ROR2: variants seen among roughly 807,000 people sequenced by gnomAD.
ROR2 encodes the protein tyrosine-protein kinase transmembrane receptor ROR2.
ROR2 carries 33 observed loss-of-function variants against 74.9 expected under a neutral mutation model. The ratio of observed to expected loss-of-function variants is 0.44; its 90% CI spans 0.33 to 0.59. The LOEUF (loss-of-function observed/expected upper bound fraction) is 0.59, where lower values mean the gene tolerates loss of function less well. ROR2 is among the 20% of genes least tolerant of loss of function. The pLI is 0.02. For missense variants in ROR2, 1,216 were observed against 1,313.8 expected, an observed-to-expected ratio of 0.93 and a Z score of 1.15; for synonymous variants, 586 against 558.7, an observed-to-expected ratio of 1.05 and a Z score of -0.69.
rs1307502554 is a variant in ROR2 at position 91,905,645 on chromosome 9, T to C, written c.97+44222A>G. Among the ~76,000 whole-genome samples, 2 of 147,838 alleles carry C rather than the reference T, an allele frequency of 1.4e-5. No homozygotes were observed. The highest frequency in any genetic ancestry group is 3.0e-5 in the Non-Finnish European group (2 of 67,096). On this transcript the variant is annotated intron_variant, in intron 1 of 8. Coordinates refer to ENST00000375708, the MANE Select transcript of ROR2 (RefSeq NM_004560.4). The surrounding 1 kb of genome is among the most constrained non-coding windows in gnomAD (Gnocchi z 5.3). ...TGCCCCCAACACACATAAACACACA[T>C]AACACACACGTACACCACACATACA...
rs1230990508 is a variant in ROR2 at position 91,771,628 on chromosome 9, G to A, written c.175+4113C>T. ...AAAACTGAAGGCAAACTTTTCATCT[G>A]TAAATCACAACATCCTTAGTGCTCA... On this transcript the variant is annotated intron_variant, in intron 2 of 8. Coordinates refer to ENST00000375708, the MANE Select transcript of ROR2 (RefSeq NM_004560.4). Among the ~76,000 whole-genome samples, 3 of 152,116 alleles carry A rather than the reference G, an allele frequency of 2.0e-5. No individual in the cohort carries two copies. The East Asian group carries it at 5.8e-4, about 29-fold the overall frequency.
rs143109944 is a variant in ROR2, at chr9:91,726,501, T to C, written c.1386+40A>G. 5.3e-4 allele frequency: 833 copies of C among 1,585,136 alleles called. 6 individuals carry two copies. In the African/African-American group the frequency reaches 0.01, roughly 19 times the overall value. On this transcript the variant is annotated intron_variant, in intron 8 of 8. Coordinates refer to ENST00000375708, the MANE Select transcript of ROR2 (RefSeq NM_004560.4). ...GGAAACAACCCCTGAGGATTAAACC[T>C]GGAAGAGCCACCCGGGTAGAAAATG...
chr9:91,865,998 G>A (rs775431911), intron 1 of ROR2, among the ~76,000 whole-genome samples: 33 of 152,214 alleles, frequency 2.2e-4, no homozygotes, highest in Admixed American at 5.2e-4. Flanking sequence ...CCAGCCAGGT[G>A]CGTGGTACAA....
intron 1 of ROR2, among the ~76,000 whole-genome samples, chr9:91,874,173 C>G (rs1829886960): frequency 1.3e-5 from 2 of 152,136 alleles, no homozygotes; most frequent in Admixed American, 6.5e-5. Flanking sequence ...GAGAAAAGAC[C>G]CTTCATTTTC....
At chr9:91,798,449 CG>C (rs1827257138) in intron 1 of ROR2, among the ~76,000 whole-genome samples, 2 of 71,988 alleles carry the variant, frequency 2.8e-5, no homozygotes, top group East Asian at 5.6e-4. Context: ...GCTCTGTGGG[CG>C]GGGCTGACAC....
Position 91,757,405 on chromosome 9 carries a change from G to A in ROR2, c.330C>T (p.Ile110=). 1 of 1,613,984 alleles carries A rather than the reference G, an allele frequency of 6.2e-7. No individual in the cohort carries two copies. Among genetic ancestry groups the A allele is most frequent in the Non-Finnish European group, 8.5e-7 (1 of 1,180,000 alleles). The change falls in exon 3 of 9, where the codon ATC becomes ATT. Residue 110 remains isoleucine, a synonymous_variant. Transcript: ENST00000375708. ...APVVQEPRRI[I]IRKTEYGSRL... ...GTGAACCATATTCTGTCTTCCGGAT[G>A]ATGATCCGCCGCGGCTCCTGCACCA...
At chr9:91,737,637 G>T in intron 4 of ROR2, 119 bp from the exon 5 acceptor site, 1 of 1,358,032 alleles carries the variant, frequency 7.4e-7, no homozygotes, top group Non-Finnish European at 1.0e-6. Flanking sequence ...ATTTATATAA[G>T]TAAATTTAAA....
intron 1 of ROR2, among the ~76,000 whole-genome samples, chr9:91,897,466 C>T (rs910815219): frequency 6.6e-6 from 1 of 151,750 alleles, no homozygotes. Context: ...GTGATAATGT[C>T]AATAGTTAGT....
chr9:91,742,293 C>T (rs1459303989), intron 4 of ROR2, among the ~76,000 whole-genome samples: 2 of 152,170 alleles, frequency 1.3e-5, no homozygotes, highest in Non-Finnish European at 2.9e-5. Flanking sequence ...CCTCCCGCTA[C>T]ATGTGGGTGA....
intron 1 of ROR2, among the ~76,000 whole-genome samples, chr9:91,831,716 G>A (rs1398203626): frequency 6.7e-6 from 1 of 149,418 alleles, no homozygotes; most frequent in African/African-American, 2.4e-5. Flanking sequence ...TTGGGAGGCT[G>A]AGGCAGGAGA....
intron 1 of ROR2, among the ~76,000 whole-genome samples, chr9:91,944,386 C>A (rs10820925): frequency 0.24 from 36,761 of 151,870 alleles, 4,736 homozygotes; most frequent in Non-Finnish European, 0.28. Flanking sequence ...TAGGCAAGAC[C>A]AAAAATAATA....
At chr9:91,882,941 G>A (rs562663038) in intron 1 of ROR2, among the ~76,000 whole-genome samples, 5 of 152,264 alleles carry the variant, frequency 3.3e-5, no homozygotes, top group South Asian at 2.1e-4. Context: ...GTGGGACTTC[G>A]TTATGGCAGT....
chr9:91,836,647 C>T (rs569761640), intron 1 of ROR2, among the ~76,000 whole-genome samples: 51 of 152,344 alleles, frequency 3.3e-4, no homozygotes, highest in Non-Finnish European at 4.9e-4. Flanking sequence ...TAACTGCCTG[C>T]CCCTGCCCCA....
chr9:91,927,061 TAAG>T (rs72435467), intron 1 of ROR2, among the ~76,000 whole-genome samples: 27,432 of 152,174 alleles, frequency 0.18, 2,821 homozygotes, highest in Admixed American at 0.26. Flanking sequence ...ACGTTTTTTA[TAAG>T]AAGTGTTATA....
At chr9:91,920,525 A>G (rs1831236080) in intron 1 of ROR2, among the ~76,000 whole-genome samples, 1 of 152,188 alleles carries the variant, frequency 6.6e-6, no homozygotes, top group African/African-American at 2.4e-5. Flanking sequence ...AAGAACAAGT[A>G]CACAATGCTT....
intron 2 of ROR2, among the ~76,000 whole-genome samples, chr9:91,763,528 A>T (rs1825975321): frequency 6.6e-6 from 1 of 152,208 alleles, no homozygotes; most frequent in African/African-American, 2.4e-5. Context: ...GTGCTGCGCT[A>T]CAGTTTTAGT....
chr9:91,756,947 TAC>T, intron 3 of ROR2, among the ~76,000 whole-genome samples: 2 of 152,044 alleles, frequency 1.3e-5, no homozygotes, highest in Admixed American at 6.5e-5. Flanking sequence ...ATGGAGTTTC[TAC>T]TAAACTGGCC....
At chr9:91,811,216 C>T (rs564684649) in intron 1 of ROR2, among the ~76,000 whole-genome samples, 7 of 152,342 alleles carry the variant, frequency 4.6e-5, no homozygotes, top group Admixed American at 6.5e-5. Flanking sequence ...GCCAGCCCTC[C>T]GTGCAGTAGT....
chr9:91,840,013 C>A (rs1414994629), intron 1 of ROR2, among the ~76,000 whole-genome samples: 4 of 152,314 alleles, frequency 2.6e-5, no homozygotes, highest in African/African-American at 9.6e-5. Flanking sequence ...TCACCCCACA[C>A]TGTACTGGCC....
Sources: gnomAD v4.1 joint callset for allele counts (sites outside exome capture counted in the v4.1 genomes callset) on GRCh38, gnomAD v4.1.1 for gene constraint, Gnocchi (gnomAD v3.1) non-coding constraint, MANE v1.5 for transcripts, NCBI Gene and HGNC (gene_info 2026-07-23, HGNC 2026-07-21) for gene names.